Variants in WIPF1 observed in about 807,000 individuals in gnomAD.
WIPF1 encodes the protein WAS/WASL-interacting protein family member 1.
In WIPF1, 13 loss-of-function variants were observed where a neutral mutation model predicts 35.4. The ratio of observed to expected loss-of-function variants is 0.37; its 90% CI spans 0.24 to 0.58. The LOEUF (loss-of-function observed/expected upper bound fraction) is 0.58, where lower values mean the gene tolerates loss of function less well. Ranked by LOEUF, WIPF1 falls within the 20% of genes least tolerant of loss-of-function variation. The pLI, the probability that WIPF1 is intolerant of heterozygous loss-of-function variation, is 0.74. For synonymous variants in WIPF1, 267 were observed against 266.3 expected (o/e 1.00, Z -0.02); for missense variants, 591 against 667.0 (o/e 0.89, Z 1.25).
chr2:174,594,394 C>A (rs1441388981), intron 1 of WIPF1, among the ~76,000 whole-genome samples: 3 of 152,142 alleles, frequency 2.0e-5, no homozygotes, highest in East Asian at 1.9e-4. Context: ...TTTTAATCCA[C>A]TATTGTGCAC....
chr2:174,562,729 C>T lies in WIPF1; in HGVS notation c.1457-127G>A, dbSNP rs561609743. On this transcript the variant is annotated intron_variant, in intron 7 of 7. Coordinates refer to ENST00000679041, the MANE Select transcript of WIPF1 (RefSeq NM_001375834.1). ...ATGACCAGGGCTGTCAGCTAACTGGCGTATGTTGTGGATGAGAAGTGAGAG... is the reference window on the plus strand; with the variant it reads ...ATGACCAGGGCTGTCAGCTAACTGGTGTATGTTGTGGATGAGAAGTGAGAG... 52 of 1,249,246 alleles carry T rather than the reference C, an allele frequency of 4.2e-5. No individual in the cohort carries two copies. In the African/African-American group the frequency reaches 6.1e-4, roughly 15 times the overall value. The allele number at this position is 1,249,246 out of a possible 1,614,324, so 77.4% of individuals were successfully genotyped here.
intron 1 of WIPF1, among the ~76,000 whole-genome samples, chr2:174,651,067 T>A (rs1687524130): frequency 6.6e-6 from 1 of 152,258 alleles, no homozygotes; most frequent in African/African-American, 2.4e-5. Flanking sequence ...TCGGAAGAGA[T>A]CTGCCCTGTG....
intron 1 of WIPF1, among the ~76,000 whole-genome samples, chr2:174,672,052 A>G (rs1688029533): frequency 1.3e-5 from 2 of 152,158 alleles, no homozygotes; most frequent in Admixed American, 6.5e-5. Flanking sequence ...GAACCTGCCA[A>G]TATATGATGT....
At chr2:174,576,230 C>CAAAAAAAAAAAAAAAAAAAAAAAAAAAA (rs66562213) in intron 3 of WIPF1, among the ~76,000 whole-genome samples, 14 of 98,920 alleles carry the variant, frequency 1.4e-4, no homozygotes, top group African/African-American at 5.7e-4. Context: ...TGCACTCCAG[C>CAAAAAAAAAAAAAAAAAAAAAAAAAAAA]AAAAAAAAAA....
Position 174,667,506 on chromosome 2 carries a change from TAA to T in WIPF1, c.-39+15266_-39+15267del, listed in dbSNP as rs376029290. ...GCCCTAGGTTTCTGTCTCTATCTGA[TAA>T]AGAGCTGATCTCCTCTCCAGTCTTG... On this transcript the variant is annotated intron_variant, in intron 1 of 8. Transcript: ENST00000272746. Among the ~76,000 whole-genome samples, 11 of 152,304 alleles carry T rather than the reference TAA, an allele frequency of 7.2e-5. No homozygotes were observed. The East Asian group carries it at 1.9e-3, about 27-fold the overall frequency.
chr2:174,579,976 A>G (rs1457205222), intron 3 of WIPF1, among the ~76,000 whole-genome samples: 1 of 151,644 alleles, frequency 6.6e-6, no homozygotes, highest in Non-Finnish European at 1.5e-5. Context: ...TTTGAGACAG[A>G]GTCTTGCTCT....
intron 1 of WIPF1, among the ~76,000 whole-genome samples, chr2:174,618,888 A>G (rs144578759): frequency 1.0e-3 from 155 of 152,122 alleles, no homozygotes; most frequent in South Asian, 1.9e-3. Flanking sequence ...TTACTCTTCT[A>G]TTGTCTCACA....
At chr2:174,643,699 C>T (rs1405373643) in intron 1 of WIPF1, among the ~76,000 whole-genome samples, 1 of 152,180 alleles carries the variant, frequency 6.6e-6, no homozygotes, top group South Asian at 2.1e-4. Context: ...CGTGAGCCAC[C>T]ATGCCTGGCC....
At chr2:174,601,146 C>G (rs1047274596), upstream of WIPF1, among the ~76,000 whole-genome samples, 2 of 151,924 alleles carry the variant, frequency 1.3e-5, no homozygotes, top group Admixed American at 1.3e-4. Context: ...AGGCTGGTCT[C>G]CAACTCCTGG....
chr2:174,576,564 A>G (rs1320624716), intron 3 of WIPF1, among the ~76,000 whole-genome samples: 1 of 152,202 alleles, frequency 6.6e-6, no homozygotes, highest in Non-Finnish European at 1.5e-5. Flanking sequence ...ATTCTTTGCA[A>G]TTTGAGAGGG....
chr2:174,649,822 G>T (rs980876306), intron 1 of WIPF1, among the ~76,000 whole-genome samples: 2 of 152,156 alleles, frequency 1.3e-5, no homozygotes, highest in Non-Finnish European at 2.9e-5. Flanking sequence ...TAGTAATCAA[G>T]AATAATTCTG....
chr2:174,568,148 C>T, intron 5 of WIPF1, 75 bp from the exon 6 acceptor site: 1 of 1,469,918 alleles, frequency 6.8e-7, no homozygotes, highest in East Asian at 2.4e-5. Flanking sequence ...TGGTGTACAG[C>T]TGATGAGGAC....
chr2:174,672,166 T>C lies in WIPF1; in HGVS notation c.-39+10608A>G, dbSNP rs114883002. On this transcript the variant is annotated intron_variant, in intron 1 of 8. Coordinates refer to the WIPF1 transcript ENST00000272746. ...AAAACAAAAAAGAACCTATGTGAAA[T>C]AATGTTTAATTATCAGGGGCGGGTT... Among the ~76,000 whole-genome samples the C allele has an allele frequency of 5.9e-3, 903 of 152,300 alleles. 4 individuals are homozygous for C. Among genetic ancestry groups the C allele is most frequent in the Non-Finnish European group, 8.9e-3 (607 of 68,036 alleles).
At chr2:174,637,831 TGAAATTCTGCACTG>T (rs772709625) in intron 1 of WIPF1, among the ~76,000 whole-genome samples, 75 of 152,248 alleles carry the variant, frequency 4.9e-4, no homozygotes, top group Middle Eastern at 3.4e-3. Flanking sequence ...ACCAAGTGAG[TGAAATTCTGCACTG>T]GCTTAATCCC....
At chr2:174,653,035 T>C in intron 1 of WIPF1, among the ~76,000 whole-genome samples, 1 of 152,226 alleles carries the variant, frequency 6.6e-6, no homozygotes, top group East Asian at 1.9e-4. Context: ...GAATGTACTA[T>C]GTCCAGGTGC....
At chr2:174,681,848 A>G (rs1688252326) in intron 1 of WIPF1, among the ~76,000 whole-genome samples, 1 of 152,184 alleles carries the variant, frequency 6.6e-6, no homozygotes, top group Non-Finnish European at 1.5e-5. Context: ...CTCCATCGGG[A>G]TTTAAGCAGG....
intron 1 of WIPF1, among the ~76,000 whole-genome samples, chr2:174,588,165 T>C (rs1234947926): frequency 6.6e-6 from 1 of 152,076 alleles, no homozygotes; most frequent in Non-Finnish European, 1.5e-5. Context: ...TGGAGCCAAA[T>C]CAATGGTATG....
chr2:174,605,188 A>C (rs1227239416), intron 1 of WIPF1, among the ~76,000 whole-genome samples: 23 of 152,232 alleles, frequency 1.5e-4, no homozygotes, highest in African/African-American at 5.1e-4. Flanking sequence ...TAATCCCAGC[A>C]CTTTGGGAGG....
chr2:174,676,361 C>T (rs1017542258), intron 1 of WIPF1: 2 of 136,624 alleles, frequency 1.5e-5, no homozygotes, highest in African/African-American at 2.8e-5. Context: ...ACTCTGTTGC[C>T]CAGGATGGAG....
Sources: allele counts gnomAD v4.1 joint callset (sites outside exome capture counted in the v4.1 genomes callset), GRCh38; gene constraint gnomAD v4.1.1; transcripts MANE v1.5; gene names NCBI Gene and HGNC (gene_info 2026-07-23, HGNC 2026-07-21).